Variants in B3GAT2 observed in about 807,000 individuals in gnomAD.
B3GAT2 encodes the protein galactosylgalactosylxylosylprotein 3-beta-glucuronosyltransferase 2.
In B3GAT2, 26 loss-of-function variants were observed where a neutral mutation model predicts 27.8. That is an observed-to-expected ratio of 0.93 (90% CI 0.68 to 1.30). The LOEUF is 1.30. Among genes scored for constraint, B3GAT2 ranks in the 50% most tolerant of loss-of-function variants. B3GAT2 has a pLI of 0.00. For missense variants in B3GAT2, 458 were observed against 459.0 expected (o/e 1.00, Z 0.02); for synonymous variants, 218 against 195.1 (o/e 1.12, Z -0.98).
At chr6:70,911,078 G>C (rs1278831249) in intron 1 of B3GAT2, among the ~76,000 whole-genome samples, 1 of 152,082 alleles carries the variant, frequency 6.6e-6, no homozygotes, top group East Asian at 1.9e-4. Context: ...ACCTTTGTCA[G>C]ATGCATACTT....
At chr6:70,922,285 G>A (rs969641559) in intron 1 of B3GAT2, among the ~76,000 whole-genome samples, 36 of 152,300 alleles carry the variant, frequency 2.4e-4, no homozygotes, top group African/African-American at 8.4e-4. Flanking sequence ...TTAACAATTT[G>A]TATTTTATAG....
At chr6:70,903,749 C>T (rs9455243) in intron 1 of B3GAT2, among the ~76,000 whole-genome samples, 59,757 of 151,412 alleles carry the variant, frequency 0.39, 12,091 homozygotes, top group Middle Eastern at 0.44. Flanking sequence ...ATACCAAGAG[C>T]TGATGACAAT....
chr6:70,956,292 G>A lies in B3GAT2; in HGVS notation c.138C>T (p.Gly46=), dbSNP rs748216440. The change falls in exon 1 of 4, where the codon GGC becomes GGT. Residue 46 remains glycine, a synonymous_variant. Coordinates refer to ENST00000230053, the MANE Select transcript of B3GAT2 (RefSeq NM_080742.3). ...GGAGCGGGAGTCGGGCGCCCCCGCG[G>A]CCCACCGCGTAGGGAGAGAAGTAGG... is the stretch of plus-strand genomic sequence containing the variant. ...PRPYFSPYAV[G]RGGARLPLRR... 2.1e-5 allele frequency: 34 copies of A among 1,601,390 alleles called. No individual in the cohort carries two copies. The highest frequency in any genetic ancestry group is 2.6e-5 in the Non-Finnish European group (31 of 1,173,800).
chr6:70,892,335 A>G (rs955588888), intron 2 of B3GAT2, among the ~76,000 whole-genome samples: 2 of 152,226 alleles, frequency 1.3e-5, no homozygotes, highest in Non-Finnish European at 2.9e-5. Context: ...AGGGGAACCA[A>G]TGCAAATATT....
chr6:70,911,184 GT>G (rs1260012550), intron 1 of B3GAT2, among the ~76,000 whole-genome samples: 1 of 151,774 alleles, frequency 6.6e-6, no homozygotes, highest in East Asian at 1.9e-4. Context: ...CCCACTTGCC[GT>G]TTTTTTGTTG....
At chr6:70,891,748 TTGTGTGTGTGTGTGTGTGTG>T (rs147352529) in intron 2 of B3GAT2, among the ~76,000 whole-genome samples, 2 of 144,644 alleles carry the variant, frequency 1.4e-5, no homozygotes, top group Admixed American at 6.9e-5. Context: ...AGAGCTCAGA[TTGTGTGTGTGTGTGTGTGTG>T]TGTGTGTGTG....
chr6:70,918,337 A>T (rs7449589), intron 1 of B3GAT2, among the ~76,000 whole-genome samples: 35,351 of 151,336 alleles, frequency 0.23, 4,373 homozygotes, highest in Non-Finnish European at 0.28. Context: ...AAGGGTCTTG[A>T]CTCTTTATCC....
intron 1 of B3GAT2, among the ~76,000 whole-genome samples, chr6:70,911,296 A>G (rs1772686067): frequency 6.6e-6 from 1 of 152,134 alleles, no homozygotes; most frequent in African/African-American, 2.4e-5. Flanking sequence ...TTTTACAGTT[A>G]AGTCTTTAAT....
At chr6:70,940,407 C>T (rs1028803347) in intron 1 of B3GAT2, among the ~76,000 whole-genome samples, 2 of 152,066 alleles carry the variant, frequency 1.3e-5, no homozygotes, top group Admixed American at 6.6e-5. Flanking sequence ...TTTCCACCTC[C>T]TCCAACAGGT....
At chr6:70,880,507 T>C (rs150032833) in intron 2 of B3GAT2, among the ~76,000 whole-genome samples, 1,608 of 152,282 alleles carry the variant, frequency 0.011, 7 homozygotes, top group Non-Finnish European at 0.018. Context: ...TGTTTCTTTC[T>C]GATTTTTAGA....
intron 1 of B3GAT2, among the ~76,000 whole-genome samples, chr6:70,924,962 CTTT>C (rs1772928898): frequency 6.6e-6 from 1 of 152,190 alleles, no homozygotes; most frequent in Admixed American, 6.5e-5. Flanking sequence ...TGAGGTTGGC[CTTT>C]TGAGATGTCT....
At chr6:70,947,735 GCCAGCATCAT>G (rs1204704173) in intron 1 of B3GAT2, among the ~76,000 whole-genome samples, 1 of 151,756 alleles carries the variant, frequency 6.6e-6, no homozygotes, top group African/African-American at 2.4e-5. Context: ...ATTTTATGAG[GCCAGCATCAT>G]CCTGATACCA....
chr6:70,953,899 C>T (rs1356262246), intron 1 of B3GAT2, among the ~76,000 whole-genome samples: 1 of 152,112 alleles, frequency 6.6e-6, no homozygotes, highest in African/African-American at 2.4e-5. Context: ...TAATATCCCC[C>T]ACCAACAAAC....
At chr6:70,953,349 A>T (rs1041480894) in intron 1 of B3GAT2, among the ~76,000 whole-genome samples, 2 of 152,228 alleles carry the variant, frequency 1.3e-5, no homozygotes, top group African/African-American at 4.8e-5. Context: ...AAATAAACCT[A>T]CGGATTTCCA....
chr6:70,949,169 C>A (rs1180899471), intron 1 of B3GAT2, among the ~76,000 whole-genome samples: 3 of 151,902 alleles, frequency 2.0e-5, no homozygotes, highest in African/African-American at 7.3e-5. Context: ...TCTAAAACAC[C>A]AAAAGCATTG....
chr6:70,936,821 C>A (rs889701712), intron 1 of B3GAT2, among the ~76,000 whole-genome samples: 2 of 151,998 alleles, frequency 1.3e-5, no homozygotes, highest in Admixed American at 6.6e-5. Context: ...AAAATTGACA[C>A]CCTAACATCA....
At chr6:70,936,141 C>T (rs1186235611) in intron 1 of B3GAT2, among the ~76,000 whole-genome samples, 1 of 151,740 alleles carries the variant, frequency 6.6e-6, no homozygotes, top group Non-Finnish European at 1.5e-5. Flanking sequence ...CAACAAAGAT[C>T]AAAAGAGACA....
intron 1 of B3GAT2, among the ~76,000 whole-genome samples, chr6:70,918,302 T>A (rs1772808730): frequency 6.6e-6 from 1 of 152,210 alleles, no homozygotes; most frequent in Non-Finnish European, 1.5e-5. Flanking sequence ...TCTTTGCATG[T>A]GAGATAGGTC....
At chr6:70,940,722 G>A (rs1402386493) in intron 1 of B3GAT2, among the ~76,000 whole-genome samples, 1 of 152,122 alleles carries the variant, frequency 6.6e-6, no homozygotes, top group African/African-American at 2.4e-5. Context: ...GAGGTCAGGA[G>A]TTTGAGACCA....
Sources: allele counts gnomAD v4.1 joint callset (sites outside exome capture counted in the v4.1 genomes callset), GRCh38; gene constraint gnomAD v4.1.1; transcripts MANE v1.5; gene names NCBI Gene and HGNC (gene_info 2026-07-23, HGNC 2026-07-21).